TOPORS: variants seen among roughly 807,000 people sequenced by gnomAD.
TOPORS encodes E3 ubiquitin-protein ligase Topors.
TOPORS carries 25 observed loss-of-function variants against 81.4 expected under a neutral mutation model. The observed-to-expected ratio is 0.31, with a 90% CI of 0.22 to 0.43. TOPORS has a LOEUF of 0.43. Ranked by LOEUF, TOPORS falls within the 20% of genes least tolerant of loss-of-function variation. The pLI is 1.00. For missense variants in TOPORS, 1,101 were observed against 1,267.0 expected, an observed-to-expected ratio of 0.87 and a Z score of 1.99; for synonymous variants, 473 against 456.6, an observed-to-expected ratio of 1.04 and a Z score of -0.46.
chr9:32,541,060 T>G lies in TOPORS; in HGVS notation c.*327A>C, dbSNP rs1310527451. 2.1e-5 allele frequency: 4 copies of G among 187,324 alleles called. No homozygotes were observed. The Admixed American group carries it at 2.2e-4, about 10-fold the overall frequency. The allele number at this position is 187,324 out of a possible 1,614,324, so 11.6% of individuals were successfully genotyped here. A position where few individuals can be genotyped will look rare whatever the true frequency, so the allele number is the denominator to read the frequency against. On this transcript the variant is annotated 3_prime_UTR_variant, in exon 3 of 3. Coordinates refer to ENST00000360538, the MANE Select transcript of TOPORS (RefSeq NM_005802.5). Reference sequence around the variant, plus strand: ...AATTCAAAAATACTCATTGACTACCTTAAAAATATGTCAATACCGTATGGC... The same window carrying G: ...AATTCAAAAATACTCATTGACTACCGTAAAAATATGTCAATACCGTATGGC...
At chr9:32,546,706 GA>G (rs1821144453) in intron 2 of TOPORS, among the ~76,000 whole-genome samples, 1 of 152,084 alleles carries the variant, frequency 6.6e-6, no homozygotes, top group African/African-American at 2.4e-5. Context: ...AACAAAGTAT[GA>G]TTTTTTTAAA....
At chr9:32,549,863 AAAG>A (rs1438785897) in intron 2 of TOPORS, among the ~76,000 whole-genome samples, 2 of 152,194 alleles carry the variant, frequency 1.3e-5, no homozygotes, top group African/African-American at 4.8e-5. Context: ...ATCAACTCCA[AAAG>A]AAGATACAAA....
In TOPORS at chr9:32,551,144, C is replaced by T. The variant is rs373852526; in HGVS notation, c.4-176G>A. On this transcript the variant is annotated intron_variant, in intron 1 of 2. Coordinates refer to ENST00000360538, the MANE Select transcript of TOPORS (RefSeq NM_005802.5). ...GCACCGGCCCAAATGCGGCCCCTCC[C>T]CCGCCGCTCCAGACCCCGGAGGAGG... The T allele has an allele frequency of 4.0e-6, 3 of 754,414 alleles. No homozygotes were observed. In the East Asian group the frequency reaches 8.1e-5, roughly 20 times the overall value. 46.7% of individuals were successfully genotyped at this position (754,414 alleles called of 1,614,324 possible). A position where few individuals can be genotyped will look rare whatever the true frequency, so the allele number is the denominator to read the frequency against.
At chr9:32,547,891 G>A (rs796621269) in intron 2 of TOPORS, among the ~76,000 whole-genome samples, 35 of 151,890 alleles carry the variant, frequency 2.3e-4, no homozygotes, top group African/African-American at 7.5e-4. Flanking sequence ...GAATGCAGTG[G>A]CGCGATCGTG....
rs752272205 is a variant in TOPORS, at chr9:32,552,358, G to C, written c.3+76C>G. ...GGCTAAAAGATGGCTGCTGGCGCCTGGCAGCCACCGCCTGGGAGGTTACTG... is the reference window on the plus strand; with the variant it reads ...GGCTAAAAGATGGCTGCTGGCGCCTCGCAGCCACCGCCTGGGAGGTTACTG... On this transcript the variant is annotated intron_variant, in intron 1 of 2. Transcript: ENST00000360538. 6.3e-6 allele frequency: 10 copies of C among 1,577,074 alleles called. No homozygotes were observed. In the African/African-American group the frequency reaches 6.7e-5, roughly 11 times the overall value.
At chr9:32,546,439 C>A (rs1369800923) in intron 2 of TOPORS, among the ~76,000 whole-genome samples, 3 of 152,196 alleles carry the variant, frequency 2.0e-5, no homozygotes, top group Non-Finnish European at 2.9e-5. Context: ...TCACCTAGAA[C>A]TAGCTCTAGT....
At chr9:32,549,496 T>G (rs1450158940) in intron 2 of TOPORS, among the ~76,000 whole-genome samples, 1 of 152,160 alleles carries the variant, frequency 6.6e-6, no homozygotes, top group Non-Finnish European at 1.5e-5. Flanking sequence ...TTTTCTCAAT[T>G]CTAAAATGGA....
In TOPORS at chr9:32,550,489, TC is replaced by T. The variant is rs563388397; in HGVS notation, c.198+284del. Among the ~76,000 whole-genome samples the T allele has an allele frequency of 4.5e-4, 68 of 152,176 alleles. No homozygotes were observed. The South Asian group carries it at 0.014, about 31-fold the overall frequency. On this transcript the variant is annotated intron_variant, in intron 2 of 2. Transcript: ENST00000360538. ...TGTAAGTGGTGACGCCACGATTCAG[TC>T]TCATTGCTTTTTTGCTTTTCCCTGA...
At chr9:32,544,844 A>C (rs1424301134) in intron 2 of TOPORS, among the ~76,000 whole-genome samples, 1 of 152,162 alleles carries the variant, frequency 6.6e-6, no homozygotes, top group African/African-American at 2.4e-5. Context: ...AAAAAACAAA[A>C]ACACCACACT....
At chr9:32,544,376 T>TA in intron 2 of TOPORS, 50 bp from the exon 3 acceptor site, 1 of 1,559,242 alleles carries the variant, frequency 6.4e-7, no homozygotes, top group Non-Finnish European at 8.7e-7. Context: ...GAGGAATGAC[T>TA]AAATAGTCTC....
rs554839725 is a variant in TOPORS, at chr9:32,552,300, C to T, written c.3+134G>A. ...CGGGCGGAAGAGGCCAGCGACAGCGCTGCACGAAGCGAGTGGGCGGGCGCT... is the reference window on the plus strand; with the variant it reads ...CGGGCGGAAGAGGCCAGCGACAGCGTTGCACGAAGCGAGTGGGCGGGCGCT... On this transcript the variant is annotated intron_variant, in intron 1 of 2. Coordinates refer to ENST00000360538, the MANE Select transcript of TOPORS (RefSeq NM_005802.5). 4.5e-6 allele frequency: 6 copies of T among 1,325,044 alleles called. 1 individual carries two copies. In the South Asian group the frequency reaches 6.3e-5, roughly 14 times the overall value. The allele number at this position is 1,325,044 out of a possible 1,614,324, so 82.1% of individuals were successfully genotyped here. A position where few individuals can be genotyped will look rare whatever the true frequency, so the allele number is the denominator to read the frequency against.
chr9:32,552,403 CAGCTCCCGCG>C (rs1202036264), intron 1 of TOPORS, 21 bp downstream of exon 1: 6 of 1,608,022 alleles, frequency 3.7e-6, no homozygotes, highest in Non-Finnish European at 5.1e-6. Flanking sequence ...CAGCTCCCGC[CAGCTCCCGCG>C]GACTGCTGCC....
chr9:32,551,406 C>G (rs1452952340), intron 1 of TOPORS: 14 of 326,296 alleles, frequency 4.3e-5, no homozygotes, highest in South Asian at 2.8e-4. Context: ...AGGAGTCCAA[C>G]GGGATCCCAA....
rs373579562 is a variant in TOPORS at position 32,541,102 on chromosome 9, T to C, written c.*285A>G. ...CCGTATGGCTTTATGAAATAACTTC[T>C]AAAATTTATATAATTTTTCTTATTT... On this transcript the variant is annotated 3_prime_UTR_variant, in exon 3 of 3. Coordinates refer to ENST00000360538, the MANE Select transcript of TOPORS (RefSeq NM_005802.5). The C allele has an allele frequency of 7.5e-6, 2 of 266,106 alleles. No homozygotes were observed. The highest frequency in any genetic ancestry group is 2.2e-5 in the African/African-American group (1 of 45,034). 16.5% of individuals were successfully genotyped at this position (266,106 alleles called of 1,614,324 possible).
In TOPORS at chr9:32,547,300, T is replaced by C. The variant is rs147778775; in HGVS notation, c.199-2974A>G. ...CATCACTAAATACTAAATTAAAATG[T>C]TTTTTAAAACGCAAATGAAGTCGAA... is the stretch of plus-strand genomic sequence containing the variant. On this transcript the variant is annotated intron_variant, in intron 2 of 2. Coordinates refer to ENST00000360538, the MANE Select transcript of TOPORS (RefSeq NM_005802.5). 5.3e-4 allele frequency among the ~76,000 whole-genome samples: 81 copies of C among 152,334 alleles called. 2 individuals carry two copies. The highest frequency in any genetic ancestry group is 1.9e-3 in the African/African-American group (78 of 41,580).
At position 32,542,231 on chromosome 9, in the gene TOPORS, T is replaced by C. The variant is rs2118965851; in HGVS notation, c.2294A>G (p.Glu765Gly). 1.9e-6 allele frequency: 3 copies of C among 1,614,248 alleles called. No individual in the cohort carries two copies. In the East Asian group the frequency reaches 6.7e-5, roughly 36 times the overall value. Residue 765 changes from glutamate to glycine, a missense_variant, in exon 3 of 3, where the codon GAA (glutamate) becomes GGA (glycine). Glu to Gly is a moderately conservative substitution (Grantham distance 98, BLOSUM62 -2). Transcript: ENST00000360538. Reference protein sequence around the residue: ...NHSERKYYYYERHRSRSLSSN... With the variant: ...NHSERKYYYYGRHRSRSLSSN... Reference sequence around the variant, plus strand: ...AGACAGGCTCCTTGATCTGTGCCTTTCATAGTAGTAATACTTCCTCTCACT... The same window carrying C: ...AGACAGGCTCCTTGATCTGTGCCTTCCATAGTAGTAATACTTCCTCTCACT...
At chr9:32,548,683 G>A (rs1410104118) in intron 2 of TOPORS, among the ~76,000 whole-genome samples, 2 of 152,146 alleles carry the variant, frequency 1.3e-5, no homozygotes, top group Non-Finnish European at 2.9e-5. Context: ...TAGGAATTAG[G>A]ACATTTCCTC....
chr9:32,541,185 G>T lies in TOPORS; in HGVS notation c.*202C>A. ...GCAGTATCATTTTCTTCACTTAAAA[G>T]TGCATATCTTTGAGGGTGGGACATA... On this transcript the variant is annotated 3_prime_UTR_variant, in exon 3 of 3. Coordinates refer to ENST00000360538, the MANE Select transcript of TOPORS (RefSeq NM_005802.5). 1.9e-6 allele frequency: 1 copy of T among 528,644 alleles called. No homozygotes were observed. The highest frequency in any genetic ancestry group is 2.5e-5 in the South Asian group (1 of 40,134). The allele number at this position is 528,644 out of a possible 1,614,324, so 32.7% of individuals were successfully genotyped here. A position where few individuals can be genotyped will look rare whatever the true frequency, so the allele number is the denominator to read the frequency against.
intron 2 of TOPORS, among the ~76,000 whole-genome samples, chr9:32,547,596 T>A (rs1270610016): frequency 2.6e-5 from 4 of 152,012 alleles, no homozygotes; most frequent in Non-Finnish European, 5.9e-5. Context: ...AAAAAAAAAA[T>A]TCACAAGAAC....
Sources: gnomAD v4.1 joint callset for allele counts (sites outside exome capture counted in the v4.1 genomes callset) on GRCh38, gnomAD v4.1.1 for gene constraint, MANE v1.5 for transcripts, NCBI Gene and HGNC (gene_info 2026-07-23, HGNC 2026-07-21) for gene names.